The following NEK6 variants were observed in gnomAD, a reference collection of about 807,000 sequenced individuals.
NEK6 encodes the protein serine/threonine-protein kinase Nek6.
Under a neutral mutation model 43.5 loss-of-function variants are expected in NEK6, and 27 were observed. The observed-to-expected ratio is 0.62, with a 90% CI of 0.46 to 0.86. The LOEUF (loss-of-function observed/expected upper bound fraction) is 0.86. NEK6 is among the 40% of genes least tolerant of loss of function. NEK6 has a pLI of 0.00. For missense variants in NEK6, 318 were observed against 414.4 expected (o/e 0.77, Z 2.02); for synonymous variants, 167 against 164.1 (o/e 1.02, Z -0.14).
Position 124,324,342 on chromosome 9 carries a change from C to T in NEK6, c.406-1988C>T, listed in dbSNP as rs1435227568. On this transcript the variant is annotated intron_variant, in intron 5 of 9. Transcript: ENST00000320246. The surrounding 1 kb of genome is among the most constrained non-coding windows in gnomAD (Gnocchi z 5.3). ...ATGGTCGCCCCACTGGCCTCAGAGG[C>T]TGTCAGGCAGCAGGGATTGTGTCCC... 3.3e-5 allele frequency among the ~76,000 whole-genome samples: 5 copies of T among 152,198 alleles called. No individual in the cohort carries two copies. Among genetic ancestry groups the T allele is most frequent in the African/African-American group, 1.2e-4 (5 of 41,448 alleles).
rs1367320332 is a variant in NEK6 at position 124,351,158 on chromosome 9, A to T, written c.*211A>T. 1 of 523,576 alleles carries T rather than the reference A, an allele frequency of 1.9e-6. No individual in the cohort carries two copies. The highest frequency in any genetic ancestry group is 3.5e-6 in the Non-Finnish European group (1 of 288,226). The allele number at this position is 523,576 out of a possible 1,614,324, so 32.4% of individuals were successfully genotyped here. On this transcript the variant is annotated 3_prime_UTR_variant, in exon 10 of 10. Coordinates refer to ENST00000320246, the MANE Select transcript of NEK6 (RefSeq NM_014397.6). ...CATGTCACTGATGGTCAGATTCCAA[A>T]GTCCTTTCTTTATACTGTTGTGGAC...
chr9:124,293,127 C>G, intron 1 of NEK6: 1 of 1,242,036 alleles, frequency 8.1e-7, no homozygotes, highest in Non-Finnish European at 1.0e-6. Context: ...ATTGTGGTCA[C>G]CAAGGATCAC....
rs1829072140 is a variant in NEK6, at chr9:124,332,721, CAA to C, written c.622+5278_622+5279del. On this transcript the variant is annotated intron_variant, in intron 7 of 9. Transcript: ENST00000320246. ...ACACCGAGAGCATTTCAAAACACGG[CAA>C]AGTTTGTTTTGACAGGACCGGCGCA... Among the ~76,000 whole-genome samples, 3 of 152,158 alleles carry C rather than the reference CAA, an allele frequency of 2.0e-5. No homozygotes were observed. In the South Asian group the frequency reaches 6.2e-4, roughly 32 times the overall value.
chr9:124,276,583 G>A (rs2118954666), intron 1 of NEK6, among the ~76,000 whole-genome samples: 1 of 152,364 alleles, frequency 6.6e-6, no homozygotes, highest in Non-Finnish European at 1.5e-5. Context: ...GTCTATGTGT[G>A]GCTGGAGTGT....
At chr9:124,283,350 C>T in intron 1 of NEK6, among the ~76,000 whole-genome samples, 1 of 152,246 alleles carries the variant, frequency 6.6e-6, no homozygotes, top group East Asian at 1.9e-4. Context: ...GAAGGAGAAT[C>T]TATAGGCATT....
intron 1 of NEK6, among the ~76,000 whole-genome samples, chr9:124,299,697 G>A (rs1832859530): frequency 6.6e-6 from 1 of 152,142 alleles, no homozygotes; most frequent in South Asian, 2.1e-4. Flanking sequence ...AGAGGCAGGT[G>A]CACCCATAAT....
chr9:124,296,017 C>T (rs1485794854), intron 1 of NEK6, among the ~76,000 whole-genome samples: 1 of 152,240 alleles, frequency 6.6e-6, no homozygotes, highest in East Asian at 1.9e-4. Flanking sequence ...GAAGTTGGTC[C>T]GGCCTTGACC....
intron 2 of NEK6, among the ~76,000 whole-genome samples, chr9:124,311,122 C>T (rs913230359): frequency 4.6e-5 from 7 of 152,174 alleles, no homozygotes; most frequent in African/African-American, 1.4e-4. Flanking sequence ...CCAGCAGTTC[C>T]TGGTGTTTCC....
chr9:124,282,790 A>G (rs1831978681), intron 1 of NEK6, among the ~76,000 whole-genome samples: 1 of 152,258 alleles, frequency 6.6e-6, no homozygotes, highest in South Asian at 2.1e-4. Flanking sequence ...ACAGGCTTGC[A>G]GCGTTTGGTC....
chr9:124,282,897 G>A (rs886443813), intron 1 of NEK6, among the ~76,000 whole-genome samples: 2 of 152,218 alleles, frequency 1.3e-5, no homozygotes, highest in African/African-American at 2.4e-5. Flanking sequence ...GTTAGAGAGC[G>A]GCCCCTCCCA....
intron 1 of NEK6, among the ~76,000 whole-genome samples, chr9:124,259,694 C>T (rs1830951512): frequency 6.6e-6 from 1 of 152,136 alleles, no homozygotes; most frequent in Non-Finnish European, 1.5e-5. Flanking sequence ...GAGAGCCTGA[C>T]GGGCAAACAT....
At position 124,293,152 on chromosome 9, in the gene NEK6, T is replaced by A. The variant is rs990414710; in HGVS notation, c.-29-8784T>A. ...CCAAGGATCACCTCAGGCAAATGAT[T>A]AAAATGCAGACTTTGGAGAGGGTTG... On this transcript the variant is annotated intron_variant, in intron 1 of 9. Coordinates refer to ENST00000320246, the MANE Select transcript of NEK6 (RefSeq NM_014397.6). 7.8e-6 allele frequency: 9 copies of A among 1,147,132 alleles called. No homozygotes were observed. The Admixed American group carries it at 1.2e-4, about 16-fold the overall frequency. The allele number at this position is 1,147,132 out of a possible 1,614,324, so 71.1% of individuals were successfully genotyped here.
chr9:124,300,693 C>T (rs546709468), intron 1 of NEK6, among the ~76,000 whole-genome samples: 5 of 152,286 alleles, frequency 3.3e-5, no homozygotes, highest in East Asian at 3.9e-4. Flanking sequence ...CCGCTGACCG[C>T]GCCGGGGGCT....
chr9:124,309,583 T>C (rs949225989), intron 2 of NEK6, among the ~76,000 whole-genome samples: 1 of 152,206 alleles, frequency 6.6e-6, no homozygotes, highest in East Asian at 1.9e-4. Context: ...CTAGCCTGTT[T>C]CCTGATTTGC....
intron 8 of NEK6, among the ~76,000 whole-genome samples, chr9:124,345,851 C>G (rs79743788): frequency 0.051 from 7,781 of 152,284 alleles, 268 homozygotes; most frequent in Middle Eastern, 0.16. Flanking sequence ...CCCGATTAAC[C>G]CTTTGCACCC....
Position 124,326,892 on chromosome 9 carries a change from C to T in NEK6, c.515-446C>T, listed in dbSNP as rs1167625187. Among the ~76,000 whole-genome samples, 1 of 152,186 alleles carries T rather than the reference C, an allele frequency of 6.6e-6. No individual in the cohort carries two copies. Among genetic ancestry groups the T allele is most frequent in the Non-Finnish European group, 1.5e-5 (1 of 68,016 alleles). On this transcript the variant is annotated intron_variant, in intron 6 of 9. Transcript: ENST00000320246. The surrounding 1 kb of genome is among the most constrained non-coding windows in gnomAD (Gnocchi z 4.5). The stretch of plus-strand genomic sequence containing the variant: ...TACGTAGGCTGCTTCATGGACACCT[C>T]CGTTCCTTCACTCTACCTGTATCTC...
intron 4 of NEK6, among the ~76,000 whole-genome samples, chr9:124,320,129 G>A (rs575843640): frequency 6.8e-4 from 104 of 152,340 alleles, no homozygotes; most frequent in African/African-American, 2.4e-3. Context: ...GAGCCACAGC[G>A]CTGCTGGCTG....
chr9:124,266,959 A>G (rs1831255148), intron 1 of NEK6, among the ~76,000 whole-genome samples: 1 of 152,208 alleles, frequency 6.6e-6, no homozygotes, highest in African/African-American at 2.4e-5. Context: ...CCAGAGTTAC[A>G]GGCTCTCCTT....
chr9:124,308,542 G>T (rs1292068885), intron 2 of NEK6, among the ~76,000 whole-genome samples: 1 of 151,996 alleles, frequency 6.6e-6, no homozygotes, highest in Non-Finnish European at 1.5e-5. Flanking sequence ...CTACTCCCCA[G>T]CTACTTGGGA....
Sources: gnomAD v4.1 joint callset for allele counts (sites outside exome capture counted in the v4.1 genomes callset) on GRCh38, gnomAD v4.1.1 for gene constraint, Gnocchi (gnomAD v3.1) non-coding constraint, MANE v1.5 for transcripts, NCBI Gene and HGNC (gene_info 2026-07-23, HGNC 2026-07-21) for gene names.